KPNA5: variants seen among roughly 807,000 people sequenced by gnomAD.
The protein encoded by KPNA5 is karyopherin subunit alpha 5.
KPNA5 carries 46 observed loss-of-function variants against 71.3 expected under a neutral mutation model. The ratio of observed to expected loss-of-function variants is 0.65; its 90% confidence interval spans 0.51 to 0.83. The LOEUF (loss-of-function observed/expected upper bound fraction) is 0.83, where lower values mean the gene tolerates loss of function less well. Ranked by LOEUF, KPNA5 falls within the 40% of genes least tolerant of loss-of-function variation. The pLI is 0.00. For missense variants in KPNA5, 547 were observed against 628.3 expected (o/e 0.87, Z 1.38); for synonymous variants, 207 against 201.4 (o/e 1.03, Z -0.24).
Position 116,686,202 on chromosome 6 carries a change from G to A in KPNA5, c.5-3118G>A, listed in dbSNP as rs1438557533. On this transcript the variant is annotated intron_variant, in intron 1 of 13. Transcript: ENST00000368564. ...CGAAGTGCTGGGATTACAGGTGTGA[G>A]CCACCATACCTGGCTCATTTTGACC... Among the ~76,000 whole-genome samples, 4 of 152,126 alleles carry A rather than the reference G, an allele frequency of 2.6e-5. 1 individual carries two copies. The highest frequency in any genetic ancestry group is 2.0e-4 in the Admixed American group (3 of 15,270).
At chr6:116,710,325 T>A (rs1778610985) in intron 7 of KPNA5, among the ~76,000 whole-genome samples, 1 of 152,258 alleles carries the variant, frequency 6.6e-6, no homozygotes, top group Non-Finnish European at 1.5e-5. Context: ...TTTGTTTTGA[T>A]GTCTTTGTCT....
intron 1 of KPNA5, among the ~76,000 whole-genome samples, chr6:116,686,694 T>C (rs1282396533): frequency 1.3e-5 from 2 of 152,220 alleles, no homozygotes; most frequent in Non-Finnish European, 2.9e-5. Context: ...TTTAAGTCTT[T>C]AATCCATCTC....
intron 8 of KPNA5, among the ~76,000 whole-genome samples, chr6:116,721,815 G>T (rs1373707182): frequency 6.6e-6 from 1 of 152,128 alleles, no homozygotes; most frequent in East Asian, 1.9e-4. Flanking sequence ...CACTTAACTG[G>T]AACATTTGAA....
In KPNA5 at chr6:116,726,487, CCT is replaced by C; in HGVS notation, c.1126-4_1126-3del. ...TTTGTACTGATTATATATTTTTCCC[CCT>C]CTCAGGCTGTTATAGATGCAAATAT... On this transcript the variant is annotated splice_region_variant and splice_polypyrimidine_tract_variant and intron_variant, in intron 11 of 13. Transcript: ENST00000368564. The C allele has an allele frequency of 6.2e-7, 1 of 1,605,922 alleles. No homozygotes were observed. Among genetic ancestry groups the C allele is most frequent in the Non-Finnish European group, 8.5e-7 (1 of 1,174,914 alleles).
chr6:116,718,120 C>T (rs756193235), intron 8 of KPNA5, among the ~76,000 whole-genome samples: 1 of 152,156 alleles, frequency 6.6e-6, no homozygotes, highest in Non-Finnish European at 1.5e-5. Context: ...GCAGCCCTCT[C>T]ATGCCCTGCT....
rs1779526608 is a variant in KPNA5, at chr6:116,732,176, G to T, written c.1473G>T (p.Gln491His). ...AGTTTTTGCAAAGCCATGAAAATCAGGAAATTTACCAGAAGGCATTTGATC... is the reference window on the plus strand; with the variant it reads ...AGTTTTTGCAAAGCCATGAAAATCATGAAATTTACCAGAAGGCATTTGATC... ...KIEFLQSHEN[Q>H]EIYQKAFDLI... is the part of the protein sequence containing the mutation. Residue 491 changes from glutamine to histidine, a missense_variant, in exon 14 of 14, where the codon CAG becomes CAT. Physicochemically the swap from Gln to His is conservative, Grantham distance 24. Coordinates refer to ENST00000368564, the MANE Select transcript of KPNA5 (RefSeq NM_001366306.2). The T allele has an allele frequency of 5.2e-6, 8 of 1,543,720 alleles. No homozygotes were observed. Among genetic ancestry groups the T allele is most frequent in the East Asian group, 2.4e-5 (1 of 40,886 alleles).
Position 116,681,228 on chromosome 6 carries a change from G to T in KPNA5, c.-107G>T. On this transcript the variant is annotated 5_prime_UTR_variant, in exon 1 of 14. Coordinates refer to ENST00000368564, the MANE Select transcript of KPNA5 (RefSeq NM_001366306.2). ...TGGCCGCCATCTTGGATTGCGAACT[G>T]GGTCGCTACGCTTCACGCCAGGGGC... 6.7e-7 allele frequency: 1 copy of T among 1,492,204 alleles called. No individual in the cohort carries two copies. The highest frequency in any genetic ancestry group is 9.2e-7 in the Non-Finnish European group (1 of 1,081,438). 92.4% of individuals were successfully genotyped at this position (1,492,204 alleles called of 1,614,324 possible). A position where few individuals can be genotyped will look rare whatever the true frequency, so the allele number is the denominator to read the frequency against.
intron 1 of KPNA5, among the ~76,000 whole-genome samples, chr6:116,683,225 A>G: frequency 6.6e-6 from 1 of 152,354 alleles, no homozygotes; most frequent in Middle Eastern, 3.4e-3. Flanking sequence ...CTAGAGTAGT[A>G]TATTAGAATA....
At position 116,737,695 on chromosome 6, in the gene KPNA5, C is replaced by T. The variant is rs906965204; in HGVS notation, c.*5372C>T. On this transcript the variant is annotated 3_prime_UTR_variant, in exon 14 of 14. Coordinates refer to ENST00000368564, the MANE Select transcript of KPNA5 (RefSeq NM_001366306.2). Reference sequence around the variant, plus strand: ...GTTGTTTCATGTTTTTGTCCTGGTCCCTATTACTCTAGTTTGGCTTAAAGC... The same window carrying T: ...GTTGTTTCATGTTTTTGTCCTGGTCTCTATTACTCTAGTTTGGCTTAAAGC... 4 of 151,786 alleles carry T rather than the reference C, an allele frequency of 2.6e-5. No homozygotes were observed. The highest frequency in any genetic ancestry group is 5.9e-5 in the Non-Finnish European group (4 of 67,888). 9.4% of individuals were successfully genotyped at this position (151,786 alleles called of 1,614,324 possible). A position where few individuals can be genotyped will look rare whatever the true frequency, so the allele number is the denominator to read the frequency against.
In KPNA5 at chr6:116,724,286, A is replaced by G. The variant is rs200584151; in HGVS notation, c.921-11A>G. ...TACTAGTATTTAGGTTCATGTTTTT[A>G]TTATTTTTAGGCACAATGATTATAA... On this transcript the variant is annotated splice_polypyrimidine_tract_variant and intron_variant, in intron 9 of 13. Transcript: ENST00000368564. 93 of 1,581,040 alleles carry G rather than the reference A, an allele frequency of 5.9e-5. No homozygotes were observed. In the Admixed American group the frequency reaches 6.6e-4, roughly 11 times the overall value.
At position 116,732,233 on chromosome 6, in the gene KPNA5, T is replaced by C. The variant is rs1433229648; in HGVS notation, c.1530T>C (p.Asp510=). 1.0e-5 allele frequency: 16 copies of C among 1,595,760 alleles called. No homozygotes were observed. The highest frequency in any genetic ancestry group is 2.7e-5 in the African/African-American group (2 of 73,742). The change falls in exon 14 of 14, where the codon GAT becomes GAC. Residue 510 remains aspartate, a synonymous_variant. Coordinates refer to ENST00000368564, the MANE Select transcript of KPNA5 (RefSeq NM_001366306.2). The stretch of plus-strand genomic sequence containing the variant: ...AACATTACTTTGGTGTAGAAGAAGA[T>C]GACCCCAGCATTGTACCTCAGGTGG... ...LIEHYFGVEE[D]DPSIVPQVDE...
intron 5 of KPNA5, among the ~76,000 whole-genome samples, chr6:116,701,147 A>G (rs1282621192): frequency 6.6e-6 from 1 of 152,198 alleles, no homozygotes; most frequent in Non-Finnish European, 1.5e-5. Flanking sequence ...TGTACTTTTT[A>G]ATATTTCAGT....
chr6:116,683,873 A>G (rs1330107710), intron 1 of KPNA5, among the ~76,000 whole-genome samples: 4 of 140,512 alleles, frequency 2.8e-5, no homozygotes, highest in Non-Finnish European at 6.1e-5. Context: ...CTGGGATTAC[A>G]GGCGTGAGCC....
chr6:116,689,678 T>C (rs1023515235), intron 2 of KPNA5, among the ~76,000 whole-genome samples: 1 of 152,202 alleles, frequency 6.6e-6, no homozygotes, highest in Non-Finnish European at 1.5e-5. Context: ...TTGTGTTAAT[T>C]ATATTTTTAC....
chr6:116,716,163 C>A, intron 7 of KPNA5, 56 bp from the exon 8 acceptor site: 1 of 1,314,746 alleles, frequency 7.6e-7, no homozygotes, highest in Non-Finnish European at 1.1e-6. Context: ...ATTATGATAG[C>A]TAAAGAGGAA....
intron 4 of KPNA5, among the ~76,000 whole-genome samples, chr6:116,696,541 C>T (rs991966275): frequency 6.6e-6 from 1 of 152,124 alleles, no homozygotes; most frequent in Admixed American, 6.6e-5. Context: ...AAGTCTGCGA[C>T]GGTGACCTTT....
At chr6:116,698,577 AG>A in intron 4 of KPNA5, 126 bp from the exon 5 acceptor site, 1 of 588,130 alleles carries the variant, frequency 1.7e-6, no homozygotes, top group African/African-American at 2.0e-5. Flanking sequence ...CATCTAGCTA[AG>A]GGTTTTAATC....
intron 1 of KPNA5, among the ~76,000 whole-genome samples, chr6:116,687,910 A>T (rs142313199): frequency 4.6e-5 from 7 of 152,324 alleles, no homozygotes; most frequent in African/African-American, 1.4e-4. Flanking sequence ...GTTTAATTCT[A>T]TTCCTTAGGA....
chr6:116,726,925 C>T (rs1217485196), intron 12 of KPNA5, among the ~76,000 whole-genome samples: 2 of 151,804 alleles, frequency 1.3e-5, no homozygotes, highest in African/African-American at 4.8e-5. Context: ...TTTTTAATCA[C>T]AAAAATATAG....
Sources: allele counts gnomAD v4.1 joint callset (sites outside exome capture counted in the v4.1 genomes callset), GRCh38; gene constraint gnomAD v4.1.1; transcripts MANE v1.5; gene names NCBI Gene and HGNC (gene_info 2026-07-23, HGNC 2026-07-21).